WWOX: variants seen among roughly 807,000 people sequenced by gnomAD.
WWOX encodes WW domain-containing oxidoreductase.
In WWOX, 69 loss-of-function variants were observed where a neutral mutation model predicts 46.2. The ratio of observed to expected loss-of-function variants is 1.49; its 90% CI spans 1.23 to 1.82. The LOEUF is 1.82. Among genes scored for constraint, WWOX ranks in the 40% most tolerant of loss-of-function variants. The probability of loss-of-function intolerance (pLI) is 0.00; values close to 1 mark genes in which losing one functional copy is unlikely to be tolerated. For synonymous variants in WWOX, 359 were observed against 202.6 expected, an observed-to-expected ratio of 1.77 and a Z score of -6.56; for missense variants, 919 against 542.6, an observed-to-expected ratio of 1.69 and a Z score of -6.89.
chr16:78,822,524 A>G (rs1160501101), intron 8 of WWOX, among the ~76,000 whole-genome samples: 2 of 151,988 alleles, frequency 1.3e-5, no homozygotes, highest in Admixed American at 1.3e-4. Flanking sequence ...AACAAACAAA[A>G]ATCTACTTGA....
At chr16:78,494,075 A>G (rs1047235805) in intron 8 of WWOX, among the ~76,000 whole-genome samples, 1 of 152,270 alleles carries the variant, frequency 6.6e-6, no homozygotes, top group Middle Eastern at 3.4e-3. Flanking sequence ...GCCTCAGGAA[A>G]CTTACAGTTA....
At chr16:78,948,019 C>A (rs186638713) in intron 8 of WWOX, among the ~76,000 whole-genome samples, 29 of 152,226 alleles carry the variant, frequency 1.9e-4, no homozygotes, top group Non-Finnish European at 4.0e-4. Context: ...AAGGGTGGGA[C>A]GATGGAGGCC....
At chr16:78,221,328 C>G (rs1268006210) in intron 5 of WWOX, among the ~76,000 whole-genome samples, 1 of 151,952 alleles carries the variant, frequency 6.6e-6, no homozygotes, top group Non-Finnish European at 1.5e-5. Flanking sequence ...CAGAAAGATT[C>G]CTATATTGAG....
Position 78,763,698 on chromosome 16 carries a change from G to A in WWOX, c.1056+330946G>A, listed in dbSNP as rs145614794. On this transcript the variant is annotated intron_variant, in intron 8 of 8. Transcript: ENST00000566780. ...GGTACTCATTAAATACTTGTTCCAC[G>A]AAGTTGTTATTTGGTATTCACGAGT... is the stretch of plus-strand genomic sequence containing the variant. Among the ~76,000 whole-genome samples, 368 of 152,276 alleles carry A rather than the reference G, an allele frequency of 2.4e-3. 3 individuals carry two copies. Among genetic ancestry groups the A allele is most frequent in the African/African-American group, 8.3e-3 (345 of 41,554 alleles).
intron 8 of WWOX, among the ~76,000 whole-genome samples, chr16:78,747,582 G>C (rs1322097076): frequency 3.9e-5 from 6 of 152,152 alleles, no homozygotes; most frequent in African/African-American, 1.2e-4. Flanking sequence ...TTGGCAAGCT[G>C]AGTTACTTAG....
intron 8 of WWOX, among the ~76,000 whole-genome samples, chr16:79,122,008 C>G (rs1362741166): frequency 1.3e-5 from 2 of 152,066 alleles, no homozygotes; most frequent in African/African-American, 2.4e-5. Flanking sequence ...CAATAAAATA[C>G]CAAGTTAAGA....
intron 8 of WWOX, among the ~76,000 whole-genome samples, chr16:78,616,086 C>G (rs1006198098): frequency 6.6e-6 from 1 of 152,122 alleles, no homozygotes; most frequent in African/African-American, 2.4e-5. Flanking sequence ...ATTAGCTATT[C>G]TTCTCACTTC....
At position 79,035,653 on chromosome 16, in the gene WWOX, C is replaced by T. The variant is rs368716845; in HGVS notation, c.1057-175955C>T. On this transcript the variant is annotated intron_variant, in intron 8 of 8. Transcript: ENST00000566780. ...TCCCGGGTTCAAGTGATTCTCCTGC[C>T]TCAGCCTCCCAAGTAGCTGGGAGTA... Among the ~76,000 whole-genome samples, 16 of 152,308 alleles carry T rather than the reference C, an allele frequency of 1.1e-4. No individual in the cohort carries two copies. In the East Asian group the frequency reaches 2.5e-3, roughly 24 times the overall value.
chr16:78,583,910 T>A (rs547856373), intron 8 of WWOX, among the ~76,000 whole-genome samples: 9 of 152,306 alleles, frequency 5.9e-5, no homozygotes, highest in Middle Eastern at 3.4e-3. Flanking sequence ...ATTTTAGGCA[T>A]CCTCACAAAA....
chr16:79,188,788 G>A (rs955869891), intron 8 of WWOX, among the ~76,000 whole-genome samples: 79 of 152,138 alleles, frequency 5.2e-4, no homozygotes, highest in African/African-American at 1.6e-3. Context: ...TACAGACAAC[G>A]GTGGGGTTCA....
intron 8 of WWOX, among the ~76,000 whole-genome samples, chr16:78,799,623 C>CA (rs1023988536): frequency 0.23 from 73 of 320 alleles, no homozygotes; most frequent in East Asian, 0.5. Flanking sequence ...TGGCTTTGGA[C>CA]GGCCCCCTGA....
At chr16:78,811,062 G>T (rs1057347724) in intron 8 of WWOX, among the ~76,000 whole-genome samples, 1 of 152,210 alleles carries the variant, frequency 6.6e-6, no homozygotes, top group African/African-American at 2.4e-5. Context: ...GGACAGGAAA[G>T]CAGTGTGCCA....
chr16:78,148,348 T>G (rs1432643715), intron 4 of WWOX, among the ~76,000 whole-genome samples: 1 of 152,108 alleles, frequency 6.6e-6, no homozygotes, highest in African/African-American at 2.4e-5. Flanking sequence ...AACAAAAGGA[T>G]TGCCCTCTGA....
At chr16:78,636,571 A>G (rs998805358) in intron 8 of WWOX, among the ~76,000 whole-genome samples, 1 of 152,134 alleles carries the variant, frequency 6.6e-6, no homozygotes, top group East Asian at 1.9e-4. Flanking sequence ...CCTTTTGCTT[A>G]CTAGTAATGA....
chr16:78,355,238 G>C (rs1028851607), intron 5 of WWOX, among the ~76,000 whole-genome samples: 3 of 15,898 alleles, frequency 1.9e-4, no homozygotes, highest in Admixed American at 1.1e-3. Flanking sequence ...CATTGCTCCT[G>C]TGTGTGTGTG....
intron 8 of WWOX, among the ~76,000 whole-genome samples, chr16:78,830,258 G>C (rs995680492): frequency 6.6e-6 from 1 of 152,078 alleles, no homozygotes; most frequent in Non-Finnish European, 1.5e-5. Context: ...ATATTTATAT[G>C]GGGTTATTGT....
intron 5 of WWOX, among the ~76,000 whole-genome samples, chr16:78,362,203 A>T (rs1359730774): frequency 1.3e-5 from 2 of 152,034 alleles, no homozygotes; most frequent in Non-Finnish European, 2.9e-5. Flanking sequence ...AGGGAATTGT[A>T]CTGAACTCGT....
chr16:78,219,720 C>A (rs1397865989), intron 5 of WWOX, among the ~76,000 whole-genome samples: 2 of 152,174 alleles, frequency 1.3e-5, no homozygotes, highest in Non-Finnish European at 2.9e-5. Flanking sequence ...ACGACGAATA[C>A]TGAGAAGTCC....
chr16:78,917,139 A>G (rs781724967), intron 8 of WWOX, among the ~76,000 whole-genome samples: 2 of 152,172 alleles, frequency 1.3e-5, no homozygotes, highest in Non-Finnish European at 2.9e-5. Flanking sequence ...GGCTGGGACA[A>G]CATGCCCACT....
Sources: gnomAD v4.1 joint callset for allele counts (sites outside exome capture counted in the v4.1 genomes callset) on GRCh38, gnomAD v4.1.1 for gene constraint, MANE v1.5 for transcripts, NCBI Gene and HGNC (gene_info 2026-07-23, HGNC 2026-07-21) for gene names.